FMNL2: variants seen among roughly 807,000 people sequenced by gnomAD.
FMNL2 encodes the protein formin like 2.
Under a neutral mutation model 130.2 loss-of-function variants are expected in FMNL2, and 51 were observed. The ratio of observed to expected loss-of-function variants is 0.39; its 90% CI spans 0.31 to 0.49. The LOEUF is 0.49. Ranked by LOEUF, FMNL2 falls within the 20% of genes least tolerant of loss-of-function variation. FMNL2 has a pLI of 0.85. For synonymous variants in FMNL2, 465 were observed against 467.1 expected (o/e 1.00, Z 0.06); for missense variants, 977 against 1,316.2 (o/e 0.74, Z 3.99).
chr2:152,381,515 AAG>A (rs1401260812), intron 1 of FMNL2, among the ~76,000 whole-genome samples: 1 of 152,210 alleles, frequency 6.6e-6, no homozygotes, highest in African/African-American at 2.4e-5. Context: ...CTTCATCAAA[AAG>A]AGCAGAATGG....
Position 152,632,155 on chromosome 2 carries a change from T to C in FMNL2, c.2680+18T>C, listed in dbSNP as rs1237413329. 1 of 1,606,444 alleles carries C rather than the reference T, an allele frequency of 6.2e-7. No individual in the cohort carries two copies. Among genetic ancestry groups the C allele is most frequent in the Admixed American group, 1.7e-5 (1 of 59,074 alleles). On this transcript the variant is annotated intron_variant, in intron 21 of 25. Transcript: ENST00000288670. ...TGCTGCAGGTACTTGATTTCAGCTATTACCGTTCGTCTTGGGTATTTAATG... is the reference window on the plus strand; with the variant it reads ...TGCTGCAGGTACTTGATTTCAGCTACTACCGTTCGTCTTGGGTATTTAATG...
chr2:152,625,183 A>AG, intron 15 of FMNL2: 1 of 396,898 alleles, frequency 2.5e-6, no homozygotes, highest in South Asian at 8.4e-5. Context: ...CTGAGTTAAA[A>AG]GAAAAAAAAA....
chr2:152,489,840 A>C (rs990831500), intron 1 of FMNL2, among the ~76,000 whole-genome samples: 1 of 152,222 alleles, frequency 6.6e-6, no homozygotes, highest in Admixed American at 6.5e-5. Flanking sequence ...TCACATCCAC[A>C]AAGTTTGTAT....
intron 2 of FMNL2, among the ~76,000 whole-genome samples, chr2:152,531,577 T>G (rs1693700039): frequency 6.6e-6 from 1 of 151,640 alleles, no homozygotes. Context: ...CAGGTTCAAG[T>G]GATTCTCCTG....
chr2:152,485,697 G>A (rs1035878155), intron 1 of FMNL2, among the ~76,000 whole-genome samples: 10 of 152,188 alleles, frequency 6.6e-5, no homozygotes, highest in Admixed American at 6.5e-4. Context: ...ACATAAATAT[G>A]GGAGGAGTAC....
intron 1 of FMNL2, among the ~76,000 whole-genome samples, chr2:152,356,083 CATTTG>C (rs548664838): frequency 6.6e-6 from 1 of 152,228 alleles, no homozygotes; most frequent in South Asian, 2.1e-4. Context: ...AATCTTTATA[CATTTG>C]ATTTGAGAAG....
At position 152,565,382 on chromosome 2, in the gene FMNL2, C is replaced by T. The variant is rs141031437; in HGVS notation, c.596+4347C>T. 2.8e-3 allele frequency among the ~76,000 whole-genome samples: 433 copies of T among 152,150 alleles called. 1 individual carries two copies. Among genetic ancestry groups the T allele is most frequent in the African/African-American group, 0.01 (424 of 41,490 alleles). ...GTGAAAGAACATGAGTTGAGCACAG[C>T]CCTATATAAAGATCAGGTGTGCTAG... On this transcript the variant is annotated intron_variant, in intron 6 of 25. Transcript: ENST00000288670.
At chr2:152,644,456 T>C (rs977598909) in intron 25 of FMNL2, among the ~76,000 whole-genome samples, 8 of 152,206 alleles carry the variant, frequency 5.3e-5, no homozygotes, top group African/African-American at 1.7e-4. Flanking sequence ...CATAGCATGA[T>C]GGAACTCGTA....
chr2:152,372,741 G>A (rs1286899829), intron 1 of FMNL2, among the ~76,000 whole-genome samples: 1 of 152,186 alleles, frequency 6.6e-6, no homozygotes, highest in African/African-American at 2.4e-5. Flanking sequence ...AGCAAGGGCT[G>A]TTCCTCTCAG....
chr2:152,466,498 A>G (rs1689548508), intron 1 of FMNL2, among the ~76,000 whole-genome samples: 1 of 152,160 alleles, frequency 6.6e-6, no homozygotes, highest in South Asian at 2.1e-4. Context: ...ATTGTAGTAT[A>G]TCTAATTGTT....
At chr2:152,567,006 T>C (rs1458741373) in intron 6 of FMNL2, among the ~76,000 whole-genome samples, 2 of 152,212 alleles carry the variant, frequency 1.3e-5, no homozygotes, top group African/African-American at 4.8e-5. Context: ...ACAGTTTATG[T>C]ACTATTCTGA....
intron 1 of FMNL2, among the ~76,000 whole-genome samples, chr2:152,377,431 G>T (rs1684234568): frequency 6.6e-6 from 1 of 152,174 alleles, no homozygotes; most frequent in Non-Finnish European, 1.5e-5. Flanking sequence ...GAAAGTTAAT[G>T]CATTTATTTT....
At chr2:152,424,113 G>A (rs1037918796) in intron 1 of FMNL2, among the ~76,000 whole-genome samples, 9 of 152,146 alleles carry the variant, frequency 5.9e-5, no homozygotes, top group African/African-American at 1.9e-4. Context: ...TTGGAAGATA[G>A]CAACCATGAT....
chr2:152,386,208 A>T (rs1186461884), intron 1 of FMNL2, among the ~76,000 whole-genome samples: 1 of 152,226 alleles, frequency 6.6e-6, no homozygotes, highest in African/African-American at 2.4e-5. Context: ...GCTATTGTAG[A>T]ATGCAATCCC....
At chr2:152,435,492 A>G (rs957052963) in intron 1 of FMNL2, among the ~76,000 whole-genome samples, 2 of 152,086 alleles carry the variant, frequency 1.3e-5, no homozygotes, top group Non-Finnish European at 2.9e-5. Context: ...ATACCTGCAT[A>G]CCATTACTTA....
intron 1 of FMNL2, among the ~76,000 whole-genome samples, chr2:152,351,117 C>G (rs1218367320): frequency 2.0e-5 from 3 of 152,130 alleles, no homozygotes; most frequent in African/African-American, 7.2e-5. Context: ...TTAAAATTAT[C>G]CCAAAAATAC....
intron 11 of FMNL2, among the ~76,000 whole-genome samples, chr2:152,612,358 A>G (rs1430882760): frequency 6.6e-6 from 1 of 152,134 alleles, no homozygotes; most frequent in African/African-American, 2.4e-5. Context: ...CATCTATACA[A>G]AACACCAAAA....
Position 152,335,670 on chromosome 2 carries a change from C to G in FMNL2, c.67C>G (p.Leu23Val). 6.3e-7 allele frequency: 1 copy of G among 1,593,264 alleles called. No individual in the cohort carries two copies. The highest frequency in any genetic ancestry group is 1.1e-5 in the South Asian group (1 of 89,802). ...DFRAHNVPLK[L>V]PMPEPGELEE... ...CAGGGCGCACAACGTGCCTTTGAAG[C>G]TGCCGATGCCAGAGCCAGGTGAACT... Residue 23 changes from leucine to valine, a missense_variant, in exon 1 of 26, where the codon CTG becomes GTG. Physicochemically the swap from Leu to Val is conservative, Grantham distance 32 (BLOSUM62 1). Around this residue, in one of 4 missense-constraint regions of FMNL2, gnomAD observed 117 missense variants for 134.9 expected, o/e 0.87. Coordinates refer to ENST00000288670, the MANE Select transcript of FMNL2 (RefSeq NM_052905.4).
chr2:152,580,889 G>A, intron 8 of FMNL2, 67 bp from the exon 9 acceptor site: 2 of 1,398,376 alleles, frequency 1.4e-6, no homozygotes, highest in African/African-American at 1.4e-5. Context: ...TATCTTGGAA[G>A]GAAGAAACAG....
Sources: allele counts gnomAD v4.1 joint callset (sites outside exome capture counted in the v4.1 genomes callset), GRCh38; gene constraint gnomAD v4.1.1; regional missense constraint gnomAD v4.1.1; transcripts MANE v1.5; gene names NCBI Gene and HGNC (gene_info 2026-07-23, HGNC 2026-07-21).